WWC2: variants seen among roughly 807,000 people sequenced by gnomAD.
The protein encoded by WWC2 is protein WWC2.
Under a neutral mutation model 138.5 loss-of-function variants are expected in WWC2, and 101 were observed. The observed-to-expected ratio is 0.73, with a 90% confidence interval of 0.62 to 0.86. The LOEUF is 0.86. Among genes scored for constraint, WWC2 ranks in the 40% least tolerant of loss-of-function variants. WWC2 has a pLI of 0.00. For synonymous variants in WWC2, 558 were observed against 538.4 expected, an observed-to-expected ratio of 1.04 and a Z score of -0.50; for missense variants, 1,420 against 1,419.4, an observed-to-expected ratio of 1.00 and a Z score of -0.01.
intron 2 of WWC2, among the ~76,000 whole-genome samples, chr4:183,197,031 G>A (rs1438290857): frequency 1.3e-5 from 2 of 152,126 alleles, no homozygotes; most frequent in Non-Finnish European, 2.9e-5. Flanking sequence ...TCATCGCTGG[G>A]CAACTAGTAT....
chr4:183,183,431 A>G (rs1734699247), intron 1 of WWC2, among the ~76,000 whole-genome samples: 1 of 152,158 alleles, frequency 6.6e-6, no homozygotes, highest in African/African-American at 2.4e-5. Flanking sequence ...AGTCACCAGC[A>G]ATGAATGAAA....
chr4:183,149,132 A>T (rs1427464108), intron 1 of WWC2, among the ~76,000 whole-genome samples: 2 of 152,036 alleles, frequency 1.3e-5, no homozygotes, highest in African/African-American at 4.8e-5. Context: ...GCTTTAATGA[A>T]TTGTCATAAA....
At chr4:183,265,650 CCATTAATTAACTGTT>C (rs767940752) in intron 12 of WWC2, 23 bp from the exon 13 acceptor site, 8 of 1,567,396 alleles carry the variant, frequency 5.1e-6, no homozygotes, top group African/African-American at 1.4e-5. Flanking sequence ...ATCGATAACC[CCATTAATTAACTGTT>C]CATCTACTCC....
At chr4:183,224,909 T>C (rs904098111) in intron 4 of WWC2, among the ~76,000 whole-genome samples, 4 of 152,200 alleles carry the variant, frequency 2.6e-5, no homozygotes, top group African/African-American at 9.6e-5. Flanking sequence ...GATTTAAACA[T>C]AACTGACATG....
intron 1 of WWC2, among the ~76,000 whole-genome samples, chr4:183,180,788 G>A (rs1734608850): frequency 6.6e-6 from 1 of 150,702 alleles, no homozygotes; most frequent in Non-Finnish European, 1.5e-5. Context: ...GGGTAAATCT[G>A]TAGGGACAGG....
rs148583085 is a variant in WWC2 at position 183,134,647 on chromosome 4, C to T, written c.131+35025C>T. Among the ~76,000 whole-genome samples, 79 of 152,040 alleles carry T rather than the reference C, an allele frequency of 5.2e-4. 1 individual carries two copies. The highest frequency in any genetic ancestry group is 9.9e-4 in the Non-Finnish European group (67 of 67,956). On this transcript the variant is annotated intron_variant, in intron 1 of 22. Transcript: ENST00000403733. ...TGTTTCATCTCTCTCACCATGAATTCTAGTTTGTGAATTTTTTCACATAAT... is the reference window on the plus strand; with the variant it reads ...TGTTTCATCTCTCTCACCATGAATTTTAGTTTGTGAATTTTTTCACATAAT...
intron 21 of WWC2, among the ~76,000 whole-genome samples, chr4:183,305,233 GAAAA>G (rs1202272066): frequency 2.0e-5 from 3 of 150,150 alleles, no homozygotes; most frequent in African/African-American, 7.3e-5. Context: ...AGAGACTGGA[GAAAA>G]AAAAAGGAAC....
chr4:183,183,551 G>A (rs1209256717), intron 1 of WWC2, among the ~76,000 whole-genome samples: 1 of 152,170 alleles, frequency 6.6e-6, no homozygotes, highest in Non-Finnish European at 1.5e-5. Context: ...GGAGGCCAGC[G>A]AGGGCGGATC....
In WWC2 at chr4:183,315,847, C is replaced by G. The variant is rs1022017186; in HGVS notation, c.*118C>G. On this transcript the variant is annotated 3_prime_UTR_variant, in exon 23 of 23. Transcript: ENST00000403733. ...TTTTTTGGTAACGTAACTGTCAACT[C>G]TTGAAGAACTTTTATTTCACATCAG... is the stretch of plus-strand genomic sequence containing the variant. 1 of 673,876 alleles carries G rather than the reference C, an allele frequency of 1.5e-6. No homozygotes were observed. The allele number at this position is 673,876 out of a possible 1,614,324, so 41.7% of individuals were successfully genotyped here. A position where few individuals can be genotyped will look rare whatever the true frequency, so the allele number is the denominator to read the frequency against.
intron 4 of WWC2, among the ~76,000 whole-genome samples, chr4:183,234,105 T>G (rs1332690169): frequency 6.6e-6 from 1 of 152,232 alleles, no homozygotes; most frequent in Non-Finnish European, 1.5e-5. Context: ...GTCATCTTCT[T>G]TCCCCTTCTT....
chr4:183,254,719 G>C (rs900285631), intron 9 of WWC2, among the ~76,000 whole-genome samples: 1 of 152,224 alleles, frequency 6.6e-6, no homozygotes, highest in African/African-American at 2.4e-5. Flanking sequence ...GGACAGACCA[G>C]AGAGCCGTTG....
chr4:183,155,057 G>A (rs1173455427), intron 1 of WWC2, among the ~76,000 whole-genome samples: 1 of 152,212 alleles, frequency 6.6e-6, no homozygotes, highest in African/African-American at 2.4e-5. Context: ...TGAGAGGAAG[G>A]AGGGACATTG....
At chr4:183,244,779 C>T (rs73870392) in intron 5 of WWC2, among the ~76,000 whole-genome samples, 6,512 of 152,224 alleles carry the variant, frequency 0.043, 495 homozygotes, top group African/African-American at 0.15. Context: ...CTGTGTTCTT[C>T]AGCTAAAGCA....
intron 1 of WWC2, among the ~76,000 whole-genome samples, chr4:183,175,523 A>C (rs1407009014): frequency 2.0e-5 from 3 of 152,186 alleles, no homozygotes. Flanking sequence ...TCAGTCTCCC[A>C]AAGTGCTTGG....
intron 5 of WWC2, among the ~76,000 whole-genome samples, chr4:183,243,737 C>CTGTGTGTGTGTGTGTG (rs56654737): frequency 2.3e-5 from 3 of 129,996 alleles, no homozygotes; most frequent in East Asian, 4.6e-4. Context: ...ATTCTAAACA[C>CTGTGTGTGTGTGTGTG]TGTGTGTGTG....
At chr4:183,100,424 T>TA (rs1743140781) in intron 1 of WWC2, among the ~76,000 whole-genome samples, 1 of 152,262 alleles carries the variant, frequency 6.6e-6, no homozygotes, top group African/African-American at 2.4e-5. Context: ...ATATTTTTTT[T>TA]ACCCTTAAAA....
intron 1 of WWC2, among the ~76,000 whole-genome samples, chr4:183,183,888 AC>A (rs1165132650): frequency 6.6e-6 from 1 of 152,162 alleles, no homozygotes; most frequent in African/African-American, 2.4e-5. Flanking sequence ...GTGATGTTTA[AC>A]ATTTTCCCAT....
At chr4:183,152,225 C>G (rs1030606398) in intron 1 of WWC2, among the ~76,000 whole-genome samples, 2 of 152,178 alleles carry the variant, frequency 1.3e-5, no homozygotes, top group South Asian at 2.1e-4. Context: ...TATAGCCCAC[C>G]ATGGTGGTTC....
intron 2 of WWC2, among the ~76,000 whole-genome samples, chr4:183,207,378 C>T (rs1735474994): frequency 6.6e-6 from 1 of 152,094 alleles, no homozygotes; most frequent in African/African-American, 2.4e-5. Context: ...AAGTGAATTA[C>T]TGGAAAAGTG....
Sources: allele counts gnomAD v4.1 joint callset (sites outside exome capture counted in the v4.1 genomes callset), GRCh38; gene constraint gnomAD v4.1.1; transcripts MANE v1.5; gene names NCBI Gene and HGNC (gene_info 2026-07-23, HGNC 2026-07-21).